TMEM266: variants seen among roughly 807,000 people sequenced by gnomAD.
TMEM266 encodes Hv1 related protein 1.
A neutral mutation model predicts 50.5 loss-of-function variants in TMEM266; 33 were observed. That is an observed-to-expected ratio of 0.65 (90% CI 0.50 to 0.87). The LOEUF (loss-of-function observed/expected upper bound fraction) is 0.87. TMEM266 is among the 40% of genes least tolerant of loss of function. The pLI is 0.00. For synonymous variants in TMEM266, 310 were observed against 292.3 expected (o/e 1.06, Z -0.62); for missense variants, 655 against 695.1 (o/e 0.94, Z 0.65).
Position 76,101,509 on chromosome 15 carries a change from C to G in TMEM266, c.-96-32659C>G, listed in dbSNP as rs1490080998. Among the ~76,000 whole-genome samples, 7 of 152,238 alleles carry G rather than the reference C, an allele frequency of 4.6e-5. No individual in the cohort carries two copies. In the East Asian group the frequency reaches 1.3e-3, roughly 29 times the overall value. ...GTAGACGCAAGTTCCAGAACTGGTG[C>G]AGGCACTGACACATTGGGAGACTTT... On this transcript the variant is annotated intron_variant, in intron 1 of 10. Transcript: ENST00000388942.
At chr15:76,192,407 C>T (rs1567183263) in intron 9 of TMEM266, among the ~76,000 whole-genome samples, 1 of 152,220 alleles carries the variant, frequency 6.6e-6, no homozygotes, top group Non-Finnish European at 1.5e-5. Flanking sequence ...TGCCTGTGGC[C>T]ACTGGCGTGC....
intron 3 of TMEM266, among the ~76,000 whole-genome samples, chr15:76,151,905 A>G (rs2037850590): frequency 6.6e-6 from 1 of 152,114 alleles, no homozygotes. Flanking sequence ...GCGGTTTTCC[A>G]TCCACCTTGA....
At chr15:76,128,216 G>T (rs547894140) in intron 1 of TMEM266, among the ~76,000 whole-genome samples, 1 of 152,348 alleles carries the variant, frequency 6.6e-6, no homozygotes, top group East Asian at 1.9e-4. Flanking sequence ...GGTCATGTGT[G>T]CCATGGGGCT....
chr15:76,156,814 C>T lies in TMEM266; in HGVS notation c.382+56C>T, dbSNP rs1172465796. On this transcript the variant is annotated intron_variant, in intron 4 of 10. Coordinates refer to ENST00000388942, the MANE Select transcript of TMEM266 (RefSeq NM_152335.3). ...ACATATGATGTCAATATTCAATGTGCATCTGCATTCATCAGGGGTCCCCAA... is the reference window on the plus strand; with the variant it reads ...ACATATGATGTCAATATTCAATGTGTATCTGCATTCATCAGGGGTCCCCAA... The T allele has an allele frequency of 3.8e-6, 6 of 1,559,114 alleles. No individual in the cohort carries two copies. In the East Asian group the frequency reaches 1.4e-4, roughly 35 times the overall value.
At chr15:76,105,731 C>G (rs1172540662) in intron 1 of TMEM266, among the ~76,000 whole-genome samples, 1 of 152,186 alleles carries the variant, frequency 6.6e-6, no homozygotes, top group African/African-American at 2.4e-5. Context: ...ATCTCCATAG[C>G]CCCCATACCT....
At chr15:76,169,771 G>T in intron 5 of TMEM266, 45 bp from the exon 6 acceptor site, 1 of 1,587,694 alleles carries the variant, frequency 6.3e-7, no homozygotes, top group Non-Finnish European at 8.6e-7. Context: ...TTCTCGGCTG[G>T]AGGAAGACCT....
At chr15:76,061,363 G>T (rs2036299570) in intron 1 of TMEM266, among the ~76,000 whole-genome samples, 1 of 152,206 alleles carries the variant, frequency 6.6e-6, no homozygotes, top group African/African-American at 2.4e-5. Flanking sequence ...TGTTGAAGAT[G>T]AACAAGCCAG....
chr15:76,088,395 T>C (rs372649608), intron 1 of TMEM266, among the ~76,000 whole-genome samples: 67 of 152,274 alleles, frequency 4.4e-4, no homozygotes, highest in African/African-American at 1.6e-3. Context: ...GGCTCACACC[T>C]ACAATCCTAG....
At position 76,143,120 on chromosome 15, in the gene TMEM266, C is replaced by T. The variant is rs75150358; in HGVS notation, c.227+5225C>T. 1.5e-3 allele frequency among the ~76,000 whole-genome samples: 232 copies of T among 152,290 alleles called. 2 individuals are homozygous for T. The highest frequency in any genetic ancestry group is 5.0e-3 in the African/African-American group (208 of 41,566). On this transcript the variant is annotated intron_variant, in intron 3 of 10. Coordinates refer to ENST00000388942, the MANE Select transcript of TMEM266 (RefSeq NM_152335.3). ...TCCTTCCTCCCTTTTAGGACCTGCC[C>T]CATTCCTTGAGCTCTGATTGCCTTC...
chr15:76,176,781 G>T (rs566860210), intron 8 of TMEM266, among the ~76,000 whole-genome samples: 12 of 152,322 alleles, frequency 7.9e-5, no homozygotes, highest in African/African-American at 2.9e-4. Flanking sequence ...GCACCCCTGG[G>T]CTCCCTATTC....
At chr15:76,065,766 T>G (rs927348625) in intron 1 of TMEM266, among the ~76,000 whole-genome samples, 8 of 152,180 alleles carry the variant, frequency 5.3e-5, no homozygotes, top group South Asian at 2.1e-4. Context: ...GCCTGTAACT[T>G]TAGAATAAAA....
chr15:76,082,341 G>C (rs2036707562), intron 1 of TMEM266, among the ~76,000 whole-genome samples: 1 of 152,292 alleles, frequency 6.6e-6, no homozygotes, highest in East Asian at 1.9e-4. Flanking sequence ...ACTGGTATCT[G>C]CTTGGCTTCT....
intron 4 of TMEM266, among the ~76,000 whole-genome samples, chr15:76,157,058 A>G (rs984653833): frequency 6.6e-6 from 1 of 152,066 alleles, no homozygotes; most frequent in Non-Finnish European, 1.5e-5. Flanking sequence ...GGACCCCTGT[A>G]TGCATTTTTT....
At chr15:76,085,100 C>G (rs1330617032) in intron 1 of TMEM266, among the ~76,000 whole-genome samples, 1 of 151,734 alleles carries the variant, frequency 6.6e-6, no homozygotes, top group Non-Finnish European at 1.5e-5. Flanking sequence ...GCTGGGACTA[C>G]AGGCGCCTGC....
At chr15:76,185,293 C>G (rs949969286) in intron 8 of TMEM266, among the ~76,000 whole-genome samples, 2 of 152,206 alleles carry the variant, frequency 1.3e-5, no homozygotes, top group South Asian at 4.1e-4. Context: ...AGATCCTACT[C>G]TGCTCCACTA....
chr15:76,074,882 A>G (rs1407844142), intron 1 of TMEM266, among the ~76,000 whole-genome samples: 1 of 151,944 alleles, frequency 6.6e-6, no homozygotes, highest in African/African-American at 2.4e-5. Flanking sequence ...ATATATTTTG[A>G]AGGTGGAGCT....
At chr15:76,081,409 T>G (rs1567143702) in intron 1 of TMEM266, among the ~76,000 whole-genome samples, 3 of 152,210 alleles carry the variant, frequency 2.0e-5, no homozygotes, top group African/African-American at 7.2e-5. Context: ...GAGGTCACAT[T>G]ATGAAAATTA....
intron 7 of TMEM266, among the ~76,000 whole-genome samples, chr15:76,173,197 G>A (rs1487141910): frequency 2.0e-5 from 3 of 152,200 alleles, no homozygotes; most frequent in African/African-American, 4.8e-5. Context: ...AAGCAGAAAA[G>A]TCCCAATGTC....
chr15:76,182,666 C>CA (rs891280636), intron 8 of TMEM266, among the ~76,000 whole-genome samples: 15 of 151,780 alleles, frequency 9.9e-5, no homozygotes, highest in African/African-American at 1.4e-4. Context: ...CAAAACAAAA[C>CA]AAAAAAAACT....
Sources: gnomAD v4.1 joint callset for allele counts (sites outside exome capture counted in the v4.1 genomes callset) on GRCh38, gnomAD v4.1.1 for gene constraint, MANE v1.5 for transcripts, NCBI Gene and HGNC (gene_info 2026-07-23, HGNC 2026-07-21) for gene names.